The following SLC19A3 variants were observed in gnomAD, a reference collection of about 807,000 sequenced individuals.
SLC19A3 encodes solute carrier family 19 member 3.
A neutral mutation model predicts 40.2 loss-of-function variants in SLC19A3; 31 were observed. The ratio of observed to expected loss-of-function variants is 0.77; its 90% CI spans 0.58 to 1.04. The LOEUF is 1.04. Among genes scored for constraint, SLC19A3 ranks in the 50% least tolerant of loss-of-function variants. The pLI is 0.00. For missense variants in SLC19A3, 592 were observed against 596.7 expected (o/e 0.99, Z 0.08); for synonymous variants, 212 against 227.5 (o/e 0.93, Z 0.61).
Position 227,684,345 on chromosome 2 carries a change from C to G in SLC19A3, c.*3052G>C, listed in dbSNP as rs944314729. 2.0e-5 allele frequency: 3 copies of G among 152,138 alleles called. No homozygotes were observed. Among genetic ancestry groups the G allele is most frequent in the African/African-American group, 7.2e-5 (3 of 41,446 alleles). 9.4% of individuals were successfully genotyped at this position (152,138 alleles called of 1,614,324 possible). A position where few individuals can be genotyped will look rare whatever the true frequency, so the allele number is the denominator to read the frequency against. On this transcript the variant is annotated 3_prime_UTR_variant, in exon 6 of 6. Coordinates refer to ENST00000644224, the MANE Select transcript of SLC19A3 (RefSeq NM_025243.4). ...TTTTTAATCCACTTTGGGTCTCACTCTGTCGCTCAGGCTGGAGTGCAGTGG... is the reference window on the plus strand; with the variant it reads ...TTTTTAATCCACTTTGGGTCTCACTGTGTCGCTCAGGCTGGAGTGCAGTGG...
intron 1 of SLC19A3, among the ~76,000 whole-genome samples, chr2:227,711,890 A>G (rs547869717): frequency 2.8e-4 from 42 of 152,016 alleles, no homozygotes; most frequent in African/African-American, 1.0e-3. Flanking sequence ...TCTCTACTAA[A>G]AATACAAAAA....
intron 1 of SLC19A3, among the ~76,000 whole-genome samples, chr2:227,709,487 A>G (rs987187839): frequency 4.6e-5 from 7 of 152,094 alleles, no homozygotes; most frequent in Non-Finnish European, 7.4e-5. Flanking sequence ...CTGTCCCAAA[A>G]ACAACAACAA....
chr2:227,690,766 T>C (rs1695196576), intron 4 of SLC19A3, among the ~76,000 whole-genome samples: 1 of 128,424 alleles, frequency 7.8e-6, no homozygotes, highest in Non-Finnish European at 1.7e-5. Context: ...GGAGCACCCA[T>C]ATATAAAGCA....
At chr2:227,701,983 G>A in intron 2 of SLC19A3, 186 bp downstream of exon 2, 2 of 588,602 alleles carry the variant, frequency 3.4e-6, no homozygotes, top group Non-Finnish European at 3.0e-6. Flanking sequence ...TGTTTTGGCT[G>A]CAATTTTTTG....
intron 1 of SLC19A3, 64 bp from the exon 2 acceptor site, chr2:227,702,384 A>G (rs1265609208): frequency 6.6e-7 from 1 of 1,511,546 alleles, no homozygotes; most frequent in Middle Eastern, 1.7e-4. Context: ...CCTTGATGCG[A>G]TGAAAACCTG....
chr2:227,691,703 A>G (rs2106321902), intron 4 of SLC19A3, among the ~76,000 whole-genome samples: 1 of 152,326 alleles, frequency 6.6e-6, no homozygotes, highest in African/African-American at 2.4e-5. Context: ...ACTTAACCCA[A>G]AATTAGTAGA....
chr2:227,699,687 A>G, intron 2 of SLC19A3, 123 bp from the exon 3 acceptor site: 2 of 861,568 alleles, frequency 2.3e-6, no homozygotes, highest in Non-Finnish European at 3.8e-6. Flanking sequence ...CATAATGAGA[A>G]AACTGATTTT....
chr2:227,701,026 G>A (rs768902061), intron 2 of SLC19A3: 44 of 1,304,046 alleles, frequency 3.4e-5, no homozygotes, highest in Middle Eastern at 2.1e-4. Context: ...ACAGTGGCTC[G>A]AGAAGCAGAA....
chr2:227,696,224 G>A, intron 3 of SLC19A3, 143 bp from the exon 4 acceptor site: 1 of 770,186 alleles, frequency 1.3e-6, no homozygotes, highest in Non-Finnish European at 2.2e-6. Context: ...CGACCTGAAT[G>A]TGGATCTATC....
chr2:227,699,105 T>C lies in SLC19A3; in HGVS notation c.610A>G (p.Ser204Gly), dbSNP rs374886592. The change falls in exon 3 of 6, where the codon AGC becomes GGC. Residue 204 changes from serine (S) to glycine (G), a missense_variant. Physicochemically the swap from Ser to Gly is moderately conservative, Grantham distance 56 (BLOSUM62 0). Coordinates refer to ENST00000644224, the MANE Select transcript of SLC19A3 (RefSeq NM_025243.4). ...KKSMFFHAKP[S>G]REIKKSSSVN... The stretch of plus-strand genomic sequence containing the variant: ...CTTGATGACTTCTTTATTTCTCTGC[T>C]GGGTTTTGCATGAAAAAACATGCTT... 1 of 1,614,184 alleles carries C rather than the reference T, an allele frequency of 6.2e-7. No homozygotes were observed. The highest frequency in any genetic ancestry group is 8.5e-7 in the Non-Finnish European group (1 of 1,180,038).
chr2:227,687,363 T>C lies in SLC19A3; in HGVS notation c.*34A>G. On this transcript the variant is annotated 3_prime_UTR_variant, in exon 6 of 6. Coordinates refer to ENST00000644224, the MANE Select transcript of SLC19A3 (RefSeq NM_025243.4). ...AAATCTTTCCTTATTATTGCATAAC[T>C]TTGAAAGCCACTGTTGCGTTTGTTG... The C allele has an allele frequency of 6.3e-7, 1 of 1,576,292 alleles. No individual in the cohort carries two copies. Among genetic ancestry groups the C allele is most frequent in the Non-Finnish European group, 8.6e-7 (1 of 1,160,400 alleles).
intron 3 of SLC19A3, 41 bp downstream of exon 3, chr2:227,698,695 G>C (rs770869555): frequency 1.6e-5 from 25 of 1,544,670 alleles, no homozygotes; most frequent in Non-Finnish European, 2.1e-5. Context: ...GGACTTAAGC[G>C]GGTAAAGCCA....
chr2:227,688,788 C>T (rs187237069), intron 4 of SLC19A3, among the ~76,000 whole-genome samples: 20 of 152,198 alleles, frequency 1.3e-4, no homozygotes, highest in Admixed American at 5.9e-4. Flanking sequence ...AAATAAGGCA[C>T]CAGGGACCAA....
chr2:227,712,365 C>G (rs544396385), intron 1 of SLC19A3, among the ~76,000 whole-genome samples: 2 of 122,576 alleles, frequency 1.6e-5, no homozygotes, highest in Non-Finnish European at 3.5e-5. Context: ...ATAAAGAACC[C>G]CTGTAACTCA....
chr2:227,693,288 AAC>A (rs1695302823), intron 4 of SLC19A3, among the ~76,000 whole-genome samples: 3 of 152,092 alleles, frequency 2.0e-5, no homozygotes, highest in South Asian at 2.1e-4. Flanking sequence ...CAACAACAAC[AAC>A]AAAAAACTGG....
chr2:227,704,223 A>G (rs1695834086), intron 1 of SLC19A3, among the ~76,000 whole-genome samples: 1 of 152,192 alleles, frequency 6.6e-6, no homozygotes, highest in East Asian at 1.9e-4. Flanking sequence ...ACAATCTTAT[A>G]GAAGGAAGGG....
At chr2:227,708,637 CCTT>C (rs1462620398) in intron 1 of SLC19A3, among the ~76,000 whole-genome samples, 4 of 152,080 alleles carry the variant, frequency 2.6e-5, no homozygotes, top group Non-Finnish European at 5.9e-5. Context: ...TGCAGGCTAA[CCTT>C]CTTTGATAGA....
chr2:227,687,396 G>T lies in SLC19A3; in HGVS notation c.*1C>A, dbSNP rs1574540249. On this transcript the variant is annotated 3_prime_UTR_variant, in exon 6 of 6. Transcript: ENST00000644224. ...CCACTGTTGCGTTTGTTGCGATGAGGTTAGAGTTTTGTTGACATGATGATA... is the reference window on the plus strand; with the variant it reads ...CCACTGTTGCGTTTGTTGCGATGAGTTTAGAGTTTTGTTGACATGATGATA... 1 of 1,606,390 alleles carries T rather than the reference G, an allele frequency of 6.2e-7. No individual in the cohort carries two copies. Among genetic ancestry groups the T allele is most frequent in the Non-Finnish European group, 8.5e-7 (1 of 1,174,962 alleles).
At chr2:227,693,908 G>A (rs1289832274) in intron 4 of SLC19A3, among the ~76,000 whole-genome samples, 1 of 152,080 alleles carries the variant, frequency 6.6e-6, no homozygotes, top group Non-Finnish European at 1.5e-5. Flanking sequence ...TTAAAAATGG[G>A]CAAAAATCTG....
Sources: allele counts gnomAD v4.1 joint callset (sites outside exome capture counted in the v4.1 genomes callset), GRCh38; gene constraint gnomAD v4.1.1; transcripts MANE v1.5; gene names NCBI Gene and HGNC (gene_info 2026-07-23, HGNC 2026-07-21).